Variants in SUGCT observed in about 807,000 individuals in gnomAD.
SUGCT encodes succinyl-CoA:glutarate-CoA transferase.
Under a neutral mutation model 55.0 loss-of-function variants are expected in SUGCT, and 41 were observed. That is an observed-to-expected ratio of 0.74 (90% CI 0.58 to 0.97). SUGCT has a LOEUF of 0.97. Ranked by LOEUF, SUGCT falls within the 50% of genes least tolerant of loss-of-function variation. The pLI is 0.00. For synonymous variants in SUGCT, 187 were observed against 200.4 expected (o/e 0.93, Z 0.56); for missense variants, 568 against 547.8 (o/e 1.04, Z -0.37).
chr7:40,248,933 CTCTCTGT>C (rs1790116053), intron 7 of SUGCT, among the ~76,000 whole-genome samples: 1 of 65,330 alleles, frequency 1.5e-5, no homozygotes. Flanking sequence ...CACTCCCTCT[CTCTCTGT>C]CTCTCTCTCT....
At chr7:40,137,487 T>C (rs1010844300) in intron 1 of SUGCT, among the ~76,000 whole-genome samples, 3 of 152,146 alleles carry the variant, frequency 2.0e-5, no homozygotes, top group African/African-American at 2.4e-5. Flanking sequence ...AATGAGTATA[T>C]AGATCTTTAT....
At chr7:40,165,378 C>G (rs867775361) in intron 1 of SUGCT, among the ~76,000 whole-genome samples, 1 of 152,076 alleles carries the variant, frequency 6.6e-6, no homozygotes, top group Non-Finnish European at 1.5e-5. Flanking sequence ...TTTGTGTCGT[C>G]TAAACCCCAG....
At chr7:41,019,783 G>T in the SUGCT span, among the ~76,000 whole-genome samples, 1 of 152,188 alleles carries the variant, frequency 6.6e-6, no homozygotes, top group East Asian at 1.9e-4. Flanking sequence ...GTCTTGGAAG[G>T]TGGAAGAAAC....
At position 40,219,724 on chromosome 7, in the gene SUGCT, C is replaced by T. The variant is rs139905955; in HGVS notation, c.485-17911C>T. On this transcript the variant is annotated intron_variant, in intron 6 of 13. Coordinates refer to ENST00000335693, the MANE Select transcript of SUGCT (RefSeq NM_001193313.2). ...TACATTAAACAGACAAAATAAAATA[C>T]GAATTAAAAAAAACTAAAAAACTTC... Among the ~76,000 whole-genome samples, 18 of 151,408 alleles carry T rather than the reference C, an allele frequency of 1.2e-4. 1 individual carries two copies. The highest frequency in any genetic ancestry group is 4.1e-4 in the African/African-American group (17 of 41,216).
chr7:40,154,063 T>C (rs759809754), intron 1 of SUGCT: 13 of 250,734 alleles, frequency 5.2e-5, no homozygotes, highest in South Asian at 1.2e-4. Flanking sequence ...CGGGTGAACA[T>C]TGGGGGTCTT....
At chr7:40,176,598 T>C (rs574481359) in intron 1 of SUGCT, among the ~76,000 whole-genome samples, 24 of 152,198 alleles carry the variant, frequency 1.6e-4, no homozygotes, top group Non-Finnish European at 3.2e-4. Context: ...GCCTTTTTTT[T>C]CTGCCAAATT....
intron 9 of SUGCT, among the ~76,000 whole-genome samples, chr7:40,329,890 A>C (rs1276060221): frequency 1.3e-5 from 2 of 152,190 alleles, no homozygotes; most frequent in East Asian, 3.9e-4. Context: ...ATTTAAGGTA[A>C]AACTATCATT....
At chr7:40,878,748 C>T in the SUGCT span, among the ~76,000 whole-genome samples, 1 of 151,992 alleles carries the variant, frequency 6.6e-6, no homozygotes. Flanking sequence ...AAACCCCTGC[C>T]ACCCTCCACC....
chr7:40,619,097 A>G (rs1378808178), intron 12 of SUGCT, among the ~76,000 whole-genome samples: 1 of 152,224 alleles, frequency 6.6e-6, no homozygotes, highest in East Asian at 1.9e-4. Flanking sequence ...CCCTTTGGCT[A>G]GATGACGCCT....
intron 12 of SUGCT, among the ~76,000 whole-genome samples, chr7:40,739,999 G>A (rs1156255779): frequency 1.3e-5 from 2 of 152,224 alleles, no homozygotes; most frequent in East Asian, 3.9e-4. Context: ...CATTTTGGGA[G>A]AATTGGGATC....
chr7:40,598,195 G>A (rs1403712350), intron 12 of SUGCT, among the ~76,000 whole-genome samples: 1 of 152,138 alleles, frequency 6.6e-6, no homozygotes, highest in Non-Finnish European at 1.5e-5. Context: ...GTTGCTTAAA[G>A]CGCAGCAGTG....
intron 7 of SUGCT, among the ~76,000 whole-genome samples, chr7:40,241,154 T>C (rs1049928415): frequency 2.0e-5 from 3 of 152,230 alleles, no homozygotes; most frequent in African/African-American, 7.2e-5. Context: ...ATCTCATATA[T>C]TTCTCTCTTG....
At chr7:40,781,922 G>A (rs925209730) in intron 13 of SUGCT, among the ~76,000 whole-genome samples, 7 of 151,934 alleles carry the variant, frequency 4.6e-5, no homozygotes, top group African/African-American at 1.7e-4. Context: ...ATAATTGATA[G>A]TATGAGACGT....
chr7:40,481,546 G>T (rs909204192), intron 11 of SUGCT, among the ~76,000 whole-genome samples: 9 of 151,666 alleles, frequency 5.9e-5, no homozygotes, highest in Non-Finnish European at 1.2e-4. Flanking sequence ...AAAAACTTAA[G>T]GTAAATACAA....
chr7:40,620,354 A>G (rs113452647), intron 12 of SUGCT, among the ~76,000 whole-genome samples: 7 of 152,164 alleles, frequency 4.6e-5, no homozygotes, highest in Non-Finnish European at 8.8e-5. Flanking sequence ...TTCTATCTCT[A>G]TAAAATAGTG....
At chr7:40,890,625 G>A in the SUGCT span, among the ~76,000 whole-genome samples, 1 of 152,088 alleles carries the variant, frequency 6.6e-6, no homozygotes, top group Non-Finnish European at 1.5e-5. Context: ...CAGCAAGCCT[G>A]CCCACAAGCC....
intron 13 of SUGCT, among the ~76,000 whole-genome samples, chr7:40,780,420 A>T (rs1177416402): frequency 6.6e-6 from 1 of 152,134 alleles, no homozygotes; most frequent in Non-Finnish European, 1.5e-5. Flanking sequence ...ACCATGTTTT[A>T]TTTCAGTTTT....
intron 9 of SUGCT, among the ~76,000 whole-genome samples, chr7:40,350,277 CTTATTTATTTAT>C (rs202108546): frequency 0.013 from 1,759 of 137,110 alleles, 16 homozygotes; most frequent in Non-Finnish European, 0.015. Flanking sequence ...ATTACTATAT[CTTATTTATTTAT>C]TTATTTATTT....
chr7:40,792,309 G>A (rs1310591333), intron 13 of SUGCT, among the ~76,000 whole-genome samples: 1 of 152,096 alleles, frequency 6.6e-6, no homozygotes, highest in Non-Finnish European at 1.5e-5. Context: ...TGGGAGCAGT[G>A]TCATCTGTGC....
Sources: gnomAD v4.1 joint callset for allele counts (sites outside exome capture counted in the v4.1 genomes callset) on GRCh38, gnomAD v4.1.1 for gene constraint, MANE v1.5 for transcripts, NCBI Gene and HGNC (gene_info 2026-07-23, HGNC 2026-07-21) for gene names.